FAM81A: variants seen among roughly 807,000 people sequenced by gnomAD.
FAM81A encodes the protein family with sequence similarity 81 member A.
A neutral mutation model predicts 46.7 loss-of-function variants in FAM81A; 19 were observed. The ratio of observed to expected loss-of-function variants is 0.41; its 90% confidence interval spans 0.28 to 0.60. The LOEUF (loss-of-function observed/expected upper bound fraction) is 0.60, where lower values mean the gene tolerates loss of function less well. FAM81A is among the 20% of genes least tolerant of loss of function. The pLI is 0.34. For missense variants in FAM81A, 377 were observed against 453.5 expected (o/e 0.83, Z 1.53); for synonymous variants, 183 against 152.9 (o/e 1.20, Z -1.45).
chr15:59,409,551 A>T (rs2081111547), intron 2 of FAM81A, among the ~76,000 whole-genome samples: 1 of 152,056 alleles, frequency 6.6e-6, no homozygotes, highest in African/African-American at 2.4e-5. Context: ...GGGAAAGGGG[A>T]TGTTCTCCTC....
intron 4 of FAM81A, among the ~76,000 whole-genome samples, chr15:59,502,912 G>A (rs1170638056): frequency 2.6e-5 from 4 of 151,892 alleles, no homozygotes; most frequent in East Asian, 1.9e-4. Context: ...AGTACACGAG[G>A]GATGTGTGCT....
intron 3 of FAM81A, among the ~76,000 whole-genome samples, chr15:59,487,100 G>C (rs2081925656): frequency 6.7e-6 from 1 of 149,768 alleles, no homozygotes; most frequent in South Asian, 2.1e-4. Context: ...AGTACAATAA[G>C]ATATGAATAG....
intron 2 of FAM81A, among the ~76,000 whole-genome samples, chr15:59,420,291 A>C (rs767536649): frequency 2.0e-5 from 3 of 152,336 alleles, no homozygotes; most frequent in South Asian, 4.1e-4. Context: ...GACTTTAGTC[A>C]CTGTGTCCCC....
chr15:59,449,651 G>A (rs868465121), intron 1 of FAM81A, among the ~76,000 whole-genome samples: 66 of 151,852 alleles, frequency 4.3e-4, no homozygotes, highest in Middle Eastern at 3.4e-3. Context: ...GCGTGGTGGC[G>A]GGCGCCTGTA....
At chr15:59,437,561 C>T (rs2081251884), upstream of FAM81A, among the ~76,000 whole-genome samples, 1 of 152,024 alleles carries the variant, frequency 6.6e-6, no homozygotes, top group African/African-American at 2.4e-5. Flanking sequence ...GTGTCTGCTG[C>T]GATGAGACAC....
chr15:59,516,349 C>T (rs907355912), intron 7 of FAM81A, among the ~76,000 whole-genome samples: 2 of 152,170 alleles, frequency 1.3e-5, no homozygotes, highest in African/African-American at 4.8e-5. Context: ...AGGCTTGTCT[C>T]GAACTCCTGA....
At chr15:59,400,553 G>A (rs1289800930) in intron 1 of FAM81A, among the ~76,000 whole-genome samples, 2 of 152,092 alleles carry the variant, frequency 1.3e-5, no homozygotes, top group Non-Finnish European at 2.9e-5. Context: ...AAACCCTAGG[G>A]TGGCTAACTG....
chr15:59,513,101 C>A (rs1304420223), intron 6 of FAM81A, among the ~76,000 whole-genome samples: 2 of 152,006 alleles, frequency 1.3e-5, no homozygotes, highest in African/African-American at 4.8e-5. Context: ...TATTTTATTA[C>A]ATATTATAAT....
chr15:59,477,055 G>A (rs1466058908), intron 3 of FAM81A, among the ~76,000 whole-genome samples: 1 of 151,768 alleles, frequency 6.6e-6, no homozygotes, highest in Admixed American at 6.6e-5. Context: ...AGGAGGCGGA[G>A]GTTACAGTCA....
chr15:59,497,127 AAAAG>A (rs1414040234), intron 4 of FAM81A, among the ~76,000 whole-genome samples: 1 of 148,928 alleles, frequency 6.7e-6, no homozygotes, highest in Non-Finnish European at 1.5e-5. Flanking sequence ...TCAAATTTAA[AAAAG>A]AAGAAGAAGA....
intron 4 of FAM81A, among the ~76,000 whole-genome samples, chr15:59,499,153 A>T (rs902915760): frequency 1.2e-4 from 18 of 152,158 alleles, no homozygotes; most frequent in African/African-American, 4.3e-4. Flanking sequence ...TTATTACACT[A>T]ATTGCTTTTC....
chr15:59,439,607 A>C (rs1234742388), intron 1 of FAM81A, among the ~76,000 whole-genome samples: 2 of 152,158 alleles, frequency 1.3e-5, no homozygotes, highest in East Asian at 3.8e-4. Context: ...TTTCATTCGA[A>C]TCTGATTTCA....
intron 7 of FAM81A, among the ~76,000 whole-genome samples, chr15:59,515,575 T>G (rs1320123958): frequency 1.3e-5 from 2 of 152,146 alleles, no homozygotes; most frequent in African/African-American, 4.8e-5. Context: ...CAGACACAGA[T>G]TCCCATAAAA....
intron 3 of FAM81A, among the ~76,000 whole-genome samples, chr15:59,472,626 C>A (rs1327694226): frequency 6.6e-6 from 1 of 151,220 alleles, no homozygotes; most frequent in East Asian, 1.9e-4. Context: ...TCATAGCTCA[C>A]TGTAGCCTCT....
At chr15:59,448,686 C>A (rs1169167656) in intron 1 of FAM81A, among the ~76,000 whole-genome samples, 1 of 151,652 alleles carries the variant, frequency 6.6e-6, no homozygotes, top group Non-Finnish European at 1.5e-5. Flanking sequence ...TTTTTAGAGA[C>A]AAGATCTAGC....
At chr15:59,512,914 G>A (rs1322929260) in intron 6 of FAM81A, among the ~76,000 whole-genome samples, 1 of 152,176 alleles carries the variant, frequency 6.6e-6, no homozygotes, top group African/African-American at 2.4e-5. Flanking sequence ...TCGCTGCAAG[G>A]GATCCTGGGA....
intron 2 of FAM81A, among the ~76,000 whole-genome samples, chr15:59,406,403 A>T (rs1205633040): frequency 6.6e-6 from 1 of 152,226 alleles, no homozygotes; most frequent in Non-Finnish European, 1.5e-5. Flanking sequence ...GTTTGCGAGC[A>T]GTGGAGTCAG....
chr15:59,403,845 A>G (rs1463148257), intron 2 of FAM81A, among the ~76,000 whole-genome samples: 3 of 151,892 alleles, frequency 2.0e-5, no homozygotes, highest in South Asian at 2.1e-4. Flanking sequence ...TCAAGACTCA[A>G]TATCAGAGAA....
At chr15:59,416,430 G>A (rs1359756777) in intron 2 of FAM81A, among the ~76,000 whole-genome samples, 1 of 152,194 alleles carries the variant, frequency 6.6e-6, no homozygotes, top group African/African-American at 2.4e-5. Context: ...TTTCCAGGTT[G>A]TGCCTAACCA....
Sources: gnomAD v4.1 joint callset for allele counts (sites outside exome capture counted in the v4.1 genomes callset) on GRCh38, gnomAD v4.1.1 for gene constraint, MANE v1.5 for transcripts, NCBI Gene and HGNC (gene_info 2026-07-23, HGNC 2026-07-21) for gene names.